C8orf34: variants seen among roughly 807,000 people sequenced by gnomAD.
C8orf34 encodes uncharacterized protein C8orf34.
In C8orf34, 65 loss-of-function variants were observed where a neutral mutation model predicts 68.3. That is an observed-to-expected ratio of 0.95 (90% CI 0.78 to 1.17). The LOEUF (loss-of-function observed/expected upper bound fraction) is 1.17. Ranked by LOEUF, C8orf34 falls within the 50% of genes most tolerant of loss-of-function variation. C8orf34 has a pLI of 0.00. For synonymous variants in C8orf34, 244 were observed against 241.2 expected, an observed-to-expected ratio of 1.01 and a Z score of -0.11; for missense variants, 664 against 655.4, an observed-to-expected ratio of 1.01 and a Z score of -0.14.
intron 7 of C8orf34, among the ~76,000 whole-genome samples, chr8:68,607,217 C>A (rs1817881584): frequency 6.6e-6 from 1 of 151,960 alleles, no homozygotes; most frequent in South Asian, 2.1e-4. Flanking sequence ...TTTATGTTTC[C>A]CTGCAATGAA....
rs79673652 is a variant in C8orf34 at position 68,770,064 on chromosome 8, C to A, written c.1405-6335C>A. Among the ~76,000 whole-genome samples the A allele has an allele frequency of 8.5e-3, 1,293 of 152,108 alleles. 20 individuals carry two copies. The highest frequency in any genetic ancestry group is 0.029 in the African/African-American group (1,222 of 41,478). ...GTTTGCAGAGCTATACATAGTTTGCCAAGGCAGGAGACAGAAAAACCAGTG... is the reference window on the plus strand; with the variant it reads ...GTTTGCAGAGCTATACATAGTTTGCAAAGGCAGGAGACAGAAAAACCAGTG... On this transcript the variant is annotated intron_variant, in intron 10 of 13. Transcript: ENST00000518698.
At chr8:68,351,316 G>T (rs1164301747) in intron 1 of C8orf34, among the ~76,000 whole-genome samples, 1 of 152,000 alleles carries the variant, frequency 6.6e-6, no homozygotes, top group Non-Finnish European at 1.5e-5. Flanking sequence ...TAGGGTTTCA[G>T]CTGAGAGATC....
At chr8:68,632,709 C>A (rs1234777339) in intron 7 of C8orf34, among the ~76,000 whole-genome samples, 1 of 152,112 alleles carries the variant, frequency 6.6e-6, no homozygotes, top group Non-Finnish European at 1.5e-5. Flanking sequence ...GGACATTGTA[C>A]CCTGCATCCC....
At chr8:68,362,050 T>C (rs1275828664) in intron 1 of C8orf34, among the ~76,000 whole-genome samples, 1 of 152,228 alleles carries the variant, frequency 6.6e-6, no homozygotes, top group African/African-American at 2.4e-5. Flanking sequence ...TCCCAAGTTA[T>C]CTGTGTAGTT....
At chr8:68,579,194 G>C (rs575315701) in intron 7 of C8orf34, among the ~76,000 whole-genome samples, 21 of 151,932 alleles carry the variant, frequency 1.4e-4, no homozygotes, top group Admixed American at 1.3e-3. Flanking sequence ...CTTTTCCTCG[G>C]TTCATCTTGA....
chr8:68,535,629 AGTT>A, intron 7 of C8orf34: 3 of 675,782 alleles, frequency 4.4e-6, no homozygotes, highest in Non-Finnish European at 5.5e-6. Flanking sequence ...AATTATTCAC[AGTT>A]GTTTAATTAT....
chr8:68,771,373 T>G lies in C8orf34; in HGVS notation c.1405-5026T>G, dbSNP rs182048595. 1.8e-3 allele frequency among the ~76,000 whole-genome samples: 270 copies of G among 152,248 alleles called. 5 individuals are homozygous for G. Among genetic ancestry groups the G allele is most frequent in the Non-Finnish European group, 7.9e-4 (54 of 68,006 alleles). On this transcript the variant is annotated intron_variant, in intron 10 of 13. Transcript: ENST00000518698. ...GTGGTAACTCTGTGTAATAATGCAGTGAGAAAACACAACATGTAGCCATCA... is the reference window on the plus strand; with the variant it reads ...GTGGTAACTCTGTGTAATAATGCAGGGAGAAAACACAACATGTAGCCATCA...
chr8:68,369,958 T>C (rs1221643000), intron 1 of C8orf34, among the ~76,000 whole-genome samples: 2 of 152,184 alleles, frequency 1.3e-5, no homozygotes, highest in Non-Finnish European at 1.5e-5. Context: ...GGAAGCTTTA[T>C]GGGTTGTCCA....
intron 7 of C8orf34, among the ~76,000 whole-genome samples, chr8:68,566,198 G>C (rs982909647): frequency 6.6e-6 from 1 of 152,102 alleles, no homozygotes; most frequent in African/African-American, 2.4e-5. Context: ...TACATGTGAA[G>C]GTTTGTTACA....
Position 68,578,642 on chromosome 8 carries a change from C to CTATATATATATATATATATATATATATA in C8orf34, c.1105+45508_1105+45509insATATATATATATATATATATATATATAT, listed in dbSNP as rs545258846. ...TCTATAGTTCATTGCAGATTAAATA[C>CTATATATATATATATATATATATATATA]TATATATATATATATTTCAATATTG... On this transcript the variant is annotated intron_variant, in intron 7 of 13. Coordinates refer to ENST00000518698, the MANE Select transcript of C8orf34 (RefSeq NM_052958.4). 6.4e-4 allele frequency among the ~76,000 whole-genome samples: 95 copies of CTATATATATATATATATATATATATATA among 148,728 alleles called. 1 individual carries two copies. Among genetic ancestry groups the CTATATATATATATATATATATATATATA allele is most frequent in the African/African-American group, 2.3e-3 (91 of 39,632 alleles).
At chr8:68,556,200 A>G (rs764434093) in intron 7 of C8orf34, among the ~76,000 whole-genome samples, 1 of 151,788 alleles carries the variant, frequency 6.6e-6, no homozygotes, top group African/African-American at 2.4e-5. Flanking sequence ...AGCTATAGAT[A>G]TATAAATATT....
At chr8:68,579,593 T>A (rs571060845) in intron 7 of C8orf34, among the ~76,000 whole-genome samples, 1 of 152,274 alleles carries the variant, frequency 6.6e-6, no homozygotes, top group African/African-American at 2.4e-5. Context: ...TCTTTTTATT[T>A]AAATGTTCCC....
intron 12 of C8orf34, 91 bp from the exon 13 acceptor site, chr8:68,815,795 C>T: frequency 6.2e-7 from 1 of 1,603,256 alleles, no homozygotes. Flanking sequence ...AATTAATCTT[C>T]ACTAGAAATT....
intron 8 of C8orf34, among the ~76,000 whole-genome samples, chr8:68,666,857 T>G (rs541705758): frequency 1.1e-4 from 16 of 152,202 alleles, no homozygotes; most frequent in Non-Finnish European, 2.1e-4. Context: ...TGGCTTAAAT[T>G]TGATCAGCAA....
At chr8:68,630,000 C>A (rs1490368807) in intron 7 of C8orf34, among the ~76,000 whole-genome samples, 3 of 151,946 alleles carry the variant, frequency 2.0e-5, no homozygotes, top group African/African-American at 7.2e-5. Context: ...GAATATTATT[C>A]TTAAATATTG....
intron 5 of C8orf34, among the ~76,000 whole-genome samples, chr8:68,507,857 C>T (rs1356360606): frequency 2.6e-5 from 4 of 152,070 alleles, no homozygotes; most frequent in Non-Finnish European, 4.4e-5. Context: ...AAACTATATC[C>T]GTAATTATTT....
intron 8 of C8orf34, among the ~76,000 whole-genome samples, chr8:68,660,930 G>C (rs1054466480): frequency 2.6e-5 from 4 of 152,164 alleles, no homozygotes; most frequent in Admixed American, 2.6e-4. Context: ...CTACAGTGCA[G>C]GGTGGGGAAG....
chr8:68,416,555 G>A (rs1027314434), intron 1 of C8orf34, among the ~76,000 whole-genome samples: 5 of 133,950 alleles, frequency 3.7e-5, no homozygotes, highest in Admixed American at 1.5e-4. Context: ...ATTTAGAGAC[G>A]AAGTCTCTCT....
At chr8:68,489,147 A>G (rs1398938639) in intron 5 of C8orf34, among the ~76,000 whole-genome samples, 1 of 152,226 alleles carries the variant, frequency 6.6e-6, no homozygotes, top group Non-Finnish European at 1.5e-5. Flanking sequence ...AAACTGCTAC[A>G]TTTTCATATC....
Sources: allele counts gnomAD v4.1 joint callset (sites outside exome capture counted in the v4.1 genomes callset), GRCh38; gene constraint gnomAD v4.1.1; transcripts MANE v1.5; gene names NCBI Gene and HGNC (gene_info 2026-07-23, HGNC 2026-07-21).